The following POLR3B variants were observed in gnomAD, a reference collection of about 807,000 sequenced individuals.
POLR3B encodes the protein DNA-directed RNA polymerase III subunit RPC2.
POLR3B carries 96 observed loss-of-function variants against 147.4 expected under a neutral mutation model. That is an observed-to-expected ratio of 0.65 (90% CI 0.55 to 0.77). The LOEUF is 0.77. Ranked by LOEUF, POLR3B falls within the 30% of genes least tolerant of loss-of-function variation. The pLI, the probability that POLR3B is intolerant of heterozygous loss-of-function variation, is 0.00. For missense variants in POLR3B, 1,036 were observed against 1,413.5 expected, an observed-to-expected ratio of 0.73 and a Z score of 4.28; for synonymous variants, 461 against 485.9, an observed-to-expected ratio of 0.95 and a Z score of 0.67.
intron 23 of POLR3B, among the ~76,000 whole-genome samples, chr12:106,480,490 G>T (rs1160709049): frequency 1.3e-5 from 2 of 152,170 alleles, no homozygotes; most frequent in Admixed American, 6.5e-5. Flanking sequence ...TCAGGCAGGG[G>T]CAGGGACTGG....
chr12:106,358,154 A>T, intron 1 of POLR3B: 1 of 1,448,610 alleles, frequency 6.9e-7, no homozygotes, highest in Non-Finnish European at 9.0e-7. Context: ...ATCCCAGAGG[A>T]GCTGTCAGCC....
intron 23 of POLR3B, among the ~76,000 whole-genome samples, chr12:106,483,734 A>T (rs914081783): frequency 3.3e-5 from 5 of 152,104 alleles, no homozygotes; most frequent in Non-Finnish European, 7.4e-5. Context: ...CACTGCTCTG[A>T]TAGTTTTCTT....
chr12:106,444,311 G>A (rs1030006340), intron 18 of POLR3B, 152 bp from the exon 19 acceptor site: 1 of 692,710 alleles, frequency 1.4e-6, no homozygotes, highest in Admixed American at 2.5e-5. Flanking sequence ...TTTTATTTAA[G>A]TATGTTTTTA....
At chr12:106,437,220 T>G (rs2037589485) in intron 17 of POLR3B, 89 bp downstream of exon 17, 3 of 969,362 alleles carry the variant, frequency 3.1e-6, no homozygotes, top group Non-Finnish European at 3.2e-6. Flanking sequence ...GTGTTTTAAT[T>G]TCTTTCCACC....
chr12:106,378,549 G>T lies in POLR3B; in HGVS notation c.614+165G>T, dbSNP rs190625048. Among the ~76,000 whole-genome samples, 3 of 152,160 alleles carry T rather than the reference G, an allele frequency of 2.0e-5. No individual in the cohort carries two copies. The East Asian group carries it at 5.8e-4, about 29-fold the overall frequency. ...TATTATGAAAGTCTGGAAGCATAGG[G>T]TACTGATTTTAAAATTTCAGTGATG... On this transcript the variant is annotated intron_variant, in intron 8 of 27. Coordinates refer to ENST00000228347, the MANE Select transcript of POLR3B (RefSeq NM_018082.6).
At chr12:106,460,932 G>A (rs912796692) in intron 22 of POLR3B, among the ~76,000 whole-genome samples, 2 of 151,706 alleles carry the variant, frequency 1.3e-5, no homozygotes, top group African/African-American at 2.4e-5. Context: ...CTTTCACTAC[G>A]AAGCTCCTCA....
At position 106,393,120 on chromosome 12, in the gene POLR3B, G is replaced by C; in HGVS notation, c.813G>C (p.Glu271Asp). The change falls in exon 10 of 28, where the codon GAG becomes GAC. Residue 271 changes from glutamate (E) to aspartate (D), a missense_variant. By Grantham distance (45) the Glu-to-Asp change is conservative (BLOSUM62 2). This residue lies in a region of POLR3B where 217 missense variants were observed against 288.7 expected (regional missense o/e 0.75). Coordinates refer to ENST00000228347, the MANE Select transcript of POLR3B (RefSeq NM_018082.6). Reference protein sequence around the residue: ...VMAAFGPSLEECQKAQIFTQM... With the variant: ...VMAAFGPSLEDCQKAQIFTQM... ...CTGCATTTGGGCCCAGTCTGGAAGAGTGCCAGAAAGCTCAGATTTTCACAC... is the reference window on the plus strand; with the variant it reads ...CTGCATTTGGGCCCAGTCTGGAAGACTGCCAGAAAGCTCAGATTTTCACAC... The C allele has an allele frequency of 1.9e-6, 3 of 1,614,214 alleles. No homozygotes were observed. The highest frequency in any genetic ancestry group is 1.1e-5 in the South Asian group (1 of 91,088).
chr12:106,438,758 C>A (rs1593041773), intron 18 of POLR3B, among the ~76,000 whole-genome samples: 1 of 152,170 alleles, frequency 6.6e-6, no homozygotes, highest in Admixed American at 6.5e-5. Context: ...AATATACTTA[C>A]CTCTGTTAGA....
chr12:106,364,741 T>C (rs2036509737), intron 2 of POLR3B, among the ~76,000 whole-genome samples: 1 of 152,364 alleles, frequency 6.6e-6, no homozygotes, highest in South Asian at 2.1e-4. Flanking sequence ...AAATGGGATG[T>C]ATCTGTGCAA....
intron 27 of POLR3B, 21 bp from the exon 28 acceptor site, chr12:106,509,399 G>T (rs747615877): frequency 2.7e-5 from 43 of 1,612,710 alleles, no homozygotes; most frequent in Non-Finnish European, 3.4e-5. Flanking sequence ...TCTGTCTAAC[G>T]CTTGCTGACT....
intron 16 of POLR3B, 115 bp from the exon 17 acceptor site, chr12:106,436,942 C>A: frequency 1.2e-6 from 1 of 801,810 alleles, no homozygotes; most frequent in African/African-American, 1.7e-5. Context: ...CTCAGCAATC[C>A]AGGAATAGGT....
chr12:106,485,302 C>G (rs1006691619), intron 23 of POLR3B, among the ~76,000 whole-genome samples: 1 of 152,080 alleles, frequency 6.6e-6, no homozygotes, highest in African/African-American at 2.4e-5. Flanking sequence ...TCCTTATGAC[C>G]TAACCACCTC....
At position 106,371,609 on chromosome 12, in the gene POLR3B, A is replaced by G. The variant is rs1593002827; in HGVS notation, c.404+1926A>G. The stretch of plus-strand genomic sequence containing the variant: ...ATACACCATGGAATACTATGCAGCC[A>G]TAAAAAATGATGAGTTCATGTCCTT... On this transcript the variant is annotated intron_variant, in intron 6 of 27. Transcript: ENST00000228347. Among the ~76,000 whole-genome samples the G allele has an allele frequency of 2.0e-5, 3 of 146,538 alleles. 1 individual carries two copies. Among genetic ancestry groups the G allele is most frequent in the South Asian group, 4.7e-4 (2 of 4,288 alleles).
intron 22 of POLR3B, among the ~76,000 whole-genome samples, chr12:106,461,612 C>T (rs2037936832): frequency 6.6e-6 from 1 of 152,160 alleles, no homozygotes; most frequent in Admixed American, 6.5e-5. Flanking sequence ...TTCTTTTTCA[C>T]CTTGTACCCC....
chr12:106,366,800 C>A, intron 4 of POLR3B, 78 bp downstream of exon 4: 1 of 1,181,446 alleles, frequency 8.5e-7, no homozygotes, highest in Non-Finnish European at 1.3e-6. Flanking sequence ...GCTATCAAAA[C>A]TCTTTTAAAA....
intron 22 of POLR3B, among the ~76,000 whole-genome samples, chr12:106,459,636 C>T (rs1055016571): frequency 2.0e-5 from 3 of 152,038 alleles, no homozygotes; most frequent in Non-Finnish European, 4.4e-5. Flanking sequence ...CATAAAAGTG[C>T]CTGGGTTTTG....
intron 12 of POLR3B, among the ~76,000 whole-genome samples, chr12:106,416,274 G>C (rs1035642398): frequency 5.3e-5 from 8 of 152,204 alleles, no homozygotes; most frequent in African/African-American, 1.9e-4. Context: ...GTTTGTGTAT[G>C]TGCTTTTTAG....
intron 16 of POLR3B, among the ~76,000 whole-genome samples, chr12:106,434,417 G>A (rs1263519620): frequency 4.6e-5 from 7 of 152,128 alleles, no homozygotes; most frequent in Non-Finnish European, 1.0e-4. Context: ...TTGGAGGTAG[G>A]TGGGGAGGAG....
chr12:106,504,153 T>C lies in POLR3B; in HGVS notation c.3171T>C (p.Gly1057=). Reference sequence around the variant, plus strand: ...AAATGGAACGTGACTGTTTAATCGGTTATGGAGCCAGTATGCTTTTGCTAG... The same window carrying C: ...AAATGGAACGTGACTGTTTAATCGGCTATGGAGCCAGTATGCTTTTGCTAG... The part of the protein sequence containing the change: ...LGEMERDCLI[G]YGASMLLLER... Residue 1057 remains glycine, a synonymous_variant, in exon 27 of 28, where the codon GGT becomes GGC. Coordinates refer to ENST00000228347, the MANE Select transcript of POLR3B (RefSeq NM_018082.6). This position sits in a 1 kb window ranked among gnomAD's most constrained non-coding sequence, Gnocchi z 4.6. 1 of 1,614,100 alleles carries C rather than the reference T, an allele frequency of 6.2e-7. No homozygotes were observed. The highest frequency in any genetic ancestry group is 8.5e-7 in the Non-Finnish European group (1 of 1,179,918).
Sources: allele counts gnomAD v4.1 joint callset (sites outside exome capture counted in the v4.1 genomes callset), GRCh38; gene constraint gnomAD v4.1.1; regional missense constraint gnomAD v4.1.1; non-coding constraint Gnocchi (gnomAD v3.1); transcripts MANE v1.5; gene names NCBI Gene and HGNC (gene_info 2026-07-23, HGNC 2026-07-21).